Variants in TEP1 observed in about 807,000 individuals in gnomAD.
TEP1 encodes telomerase protein component 1.
TEP1 carries 241 observed loss-of-function variants against 306.3 expected under a neutral mutation model. That is an observed-to-expected ratio of 0.79 (90% CI 0.71 to 0.88). The LOEUF is 0.88. TEP1 is among the 40% of genes least tolerant of loss of function. The pLI, the probability that TEP1 is intolerant of heterozygous loss-of-function variation, is 0.00. For missense variants in TEP1, 3,051 were observed against 3,276.1 expected, an observed-to-expected ratio of 0.93 and a Z score of 1.68; for synonymous variants, 1,289 against 1,305.5, an observed-to-expected ratio of 0.99 and a Z score of 0.27.
At chr14:20,410,923 G>A (rs1270397821) in intron 1 of TEP1, among the ~76,000 whole-genome samples, 1 of 148,586 alleles carries the variant, frequency 6.7e-6, no homozygotes, top group Non-Finnish European at 1.5e-5. Context: ...CCGGGTTCAA[G>A]TAATTCTCCT....
rs543682291 is a variant in TEP1, at chr14:20,406,596, T to C, written c.568-196A>G. Among the ~76,000 whole-genome samples, 15 of 152,272 alleles carry C rather than the reference T, an allele frequency of 9.9e-5. No homozygotes were observed. In the East Asian group the frequency reaches 2.7e-3, roughly 27 times the overall value. On this transcript the variant is annotated intron_variant, in intron 2 of 54. Transcript: ENST00000262715. ...GCTCTCACACACCACCTTGCTCTAC[T>C]CAACCTTCAGAGCCTTCGCCCACAT...
At chr14:20,391,873 C>A in intron 12 of TEP1, 106 bp from the exon 13 acceptor site, 1 of 1,258,738 alleles carries the variant, frequency 7.9e-7, no homozygotes, top group Non-Finnish European at 1.1e-6. Flanking sequence ...CTTCTCCCTC[C>A]CTCAAGCACC....
At chr14:20,386,016 C>T (rs1373118542) in intron 20 of TEP1, 59 bp downstream of exon 20, 3 of 1,528,690 alleles carry the variant, frequency 2.0e-6, no homozygotes, top group South Asian at 2.6e-5. Context: ...TGGCTTCTCC[C>T]AGCCTCTGCC....
At position 20,381,888 on chromosome 14, in the gene TEP1, G is replaced by A. The variant is rs1184497349; in HGVS notation, c.4424+25C>T. On this transcript the variant is annotated intron_variant, in intron 30 of 54. Transcript: ENST00000262715. The surrounding 1 kb of genome is among the most constrained non-coding windows in gnomAD (Gnocchi z 4.0). ...GAAGGGAAGGCACAGAGAGGTCAGC[G>A]GGAGCTCTGCTGGGGCACCTGTACC... The A allele has an allele frequency of 9.3e-6, 15 of 1,611,924 alleles. No homozygotes were observed. The African/African-American group carries it at 1.2e-4, about 13-fold the overall frequency.
In TEP1 at chr14:20,402,729, C is replaced by G. The variant is rs538526038; in HGVS notation, c.1266+648G>C. 5.9e-5 allele frequency among the ~76,000 whole-genome samples: 9 copies of G among 152,248 alleles called. No homozygotes were observed. In the South Asian group the frequency reaches 1.9e-3, roughly 32 times the overall value. ...AATCCAGATTCTATGCTCTTAAATGCTACGTACAATACCTTATTTGTCCAA... is the reference window on the plus strand; with the variant it reads ...AATCCAGATTCTATGCTCTTAAATGGTACGTACAATACCTTATTTGTCCAA... On this transcript the variant is annotated intron_variant, in intron 7 of 54. Coordinates refer to ENST00000262715, the MANE Select transcript of TEP1 (RefSeq NM_007110.5).
At position 20,386,532 on chromosome 14, in the gene TEP1, G is replaced by A; in HGVS notation, c.2776C>T (p.Gln926Ter). 1.9e-6 allele frequency: 3 copies of A among 1,613,110 alleles called. No individual in the cohort carries two copies. The highest frequency in any genetic ancestry group is 2.5e-6 in the Non-Finnish European group (3 of 1,179,484). Reference protein sequence around the residue: ...LLLRSVLPALQARAAPHRISL... With the variant: ...LLLRSVLPAL ...ATACGGTGAGGGGCCGCTCGGGCCT[G>A]CAGTGCTGGCAGCACAGACCTCAGC... is the stretch of plus-strand genomic sequence containing the variant. Residue 926 changes from glutamine (Q) to a stop codon, truncating the protein, a stop_gained, in exon 19 of 55, where the codon CAG (glutamine) becomes TAG (stop). Transcript: ENST00000262715. LOFTEE classifies it high-confidence loss of function.
chr14:20,368,769 C>CACAG (rs1444056481), intron 54 of TEP1, 29 bp downstream of exon 54: 1 of 1,424,684 alleles, frequency 7.0e-7, no homozygotes, highest in Non-Finnish European at 9.6e-7. Context: ...CGCACGCACA[C>CACAG]ACACACACAC....
intron 1 of TEP1, among the ~76,000 whole-genome samples, chr14:20,412,680 CTTTTTTT>C (rs10717377): frequency 9.5e-6 from 1 of 105,398 alleles, no homozygotes. Context: ...TCACTCTTTC[CTTTTTTT>C]TTTTTTTTTT....
chr14:20,373,852 A>G (rs1443518382), intron 44 of TEP1, 42 bp from the exon 45 acceptor site: 2 of 1,592,076 alleles, frequency 1.3e-6, no homozygotes, highest in Admixed American at 1.7e-5. Flanking sequence ...CATATTGAGC[A>G]GGACATGGGA....
intron 12 of TEP1, among the ~76,000 whole-genome samples, chr14:20,393,600 T>C (rs1262093943): frequency 6.6e-6 from 1 of 152,192 alleles, no homozygotes; most frequent in Admixed American, 6.5e-5. Flanking sequence ...GAGAGCAGCC[T>C]GGCCAACAGG....
rs751865299 is a variant in TEP1, at chr14:20,380,290, G to A, written c.4948C>T (p.Leu1650Phe). Residue 1650 changes from leucine to phenylalanine, a missense_variant, in exon 34 of 55, where the codon CTC becomes TTC. Physicochemically the swap from Leu to Phe is conservative, Grantham distance 22. Coordinates refer to ENST00000262715, the MANE Select transcript of TEP1 (RefSeq NM_007110.5). ...QASLLSRRWH[L>F]QHTLRWLNKP... The stretch of plus-strand genomic sequence containing the variant: ...TTAAGCCATCGTAGTGTGTGTTGGA[G>A]GTGCCATCTCCGGGAGAGCAGCGAG... The A allele has an allele frequency of 6.2e-7, 1 of 1,614,186 alleles. No individual in the cohort carries two copies. Among genetic ancestry groups the A allele is most frequent in the Non-Finnish European group, 8.5e-7 (1 of 1,180,034 alleles).
chr14:20,382,570 T>A, intron 28 of TEP1, 53 bp downstream of exon 28: 1 of 1,602,702 alleles, frequency 6.2e-7, no homozygotes, highest in Non-Finnish European at 8.5e-7. Flanking sequence ...ACAAAGCAGC[T>A]GAAGAGAGAA....
chr14:20,374,604 G>T, intron 43 of TEP1, 68 bp from the exon 44 acceptor site: 1 of 1,216,840 alleles, frequency 8.2e-7, no homozygotes, highest in Non-Finnish European at 1.2e-6. Flanking sequence ...TATCTGTAGT[G>T]TAGGGTGGAA....
chr14:20,391,716 C>T lies in TEP1; in HGVS notation c.1980G>A (p.Glu660=), dbSNP rs777586109. The change falls in exon 13 of 55, where the codon GAG becomes GAA. Residue 660 remains glutamate (E), a synonymous_variant. Coordinates refer to ENST00000262715, the MANE Select transcript of TEP1 (RefSeq NM_007110.5). ...EMLNRYRQAL[E]TAVNLSVKHS... ...GCTTCACAGAGAGGTTCACAGCTGT[C>T]TCTAGGGCCTGTCGGTACCTGTTCA... The T allele has an allele frequency of 1.9e-6, 3 of 1,614,220 alleles. No individual in the cohort carries two copies. The highest frequency in any genetic ancestry group is 2.5e-6 in the Non-Finnish European group (3 of 1,180,030).
intron 12 of TEP1, among the ~76,000 whole-genome samples, chr14:20,394,878 C>A (rs1326916439): frequency 2.0e-5 from 3 of 152,090 alleles, no homozygotes; most frequent in East Asian, 1.9e-4. Flanking sequence ...TTAAGTGAGT[C>A]CTGTGTTTGT....
intron 4 of TEP1, among the ~76,000 whole-genome samples, chr14:20,405,176 A>G (rs1208009548): frequency 6.6e-6 from 1 of 152,188 alleles, no homozygotes; most frequent in African/African-American, 2.4e-5. Context: ...TTCCAGCTGT[A>G]TTTGTATGAT....
Position 20,374,460 on chromosome 14 carries a change from T to A in TEP1, c.6440A>T (p.His2147Leu). 6.2e-7 allele frequency: 1 copy of A among 1,613,434 alleles called. No homozygotes were observed. The highest frequency in any genetic ancestry group is 2.2e-5 in the East Asian group (1 of 44,872). ...TGCCACAGCGCTCACAGCACTCTGA[T>A]GACCCAGGAACTGACCAAGCCGCTG... ...SGQRLGQFLG[H>L]QSAVSAVAAV... Residue 2147 changes from histidine to leucine, a missense_variant, in exon 44 of 55, where the codon CAT becomes CTT. Coordinates refer to ENST00000262715, the MANE Select transcript of TEP1 (RefSeq NM_007110.5).
At chr14:20,410,289 A>G (rs1487257250) in intron 1 of TEP1, among the ~76,000 whole-genome samples, 1 of 151,960 alleles carries the variant, frequency 6.6e-6, no homozygotes, top group East Asian at 1.9e-4. Flanking sequence ...GTGGTGACAT[A>G]CTGTATATAG....
At chr14:20,375,161 A>C (rs972546365) in intron 43 of TEP1, among the ~76,000 whole-genome samples, 1 of 149,972 alleles carries the variant, frequency 6.7e-6, no homozygotes, top group Admixed American at 6.6e-5. Context: ...AATGGTAGCT[A>C]TTGTCCATAT....
Sources: allele counts gnomAD v4.1 joint callset (sites outside exome capture counted in the v4.1 genomes callset), GRCh38; gene constraint gnomAD v4.1.1; non-coding constraint Gnocchi (gnomAD v3.1); transcripts MANE v1.5; gene names NCBI Gene and HGNC (gene_info 2026-07-23, HGNC 2026-07-21).